Variants in FBXO11 observed in about 807,000 individuals in gnomAD.
FBXO11 encodes the protein F-box protein 11, also known as F-box only protein 11.
In FBXO11, 13 loss-of-function variants were observed where a neutral mutation model predicts 117.0. The observed-to-expected ratio is 0.11, with a 90% CI of 0.07 to 0.18. The LOEUF (loss-of-function observed/expected upper bound fraction) is 0.18. FBXO11 is among the 10% of genes least tolerant of loss of function. The probability of loss-of-function intolerance (pLI) is 1.00; values close to 1 mark genes in which losing one functional copy is unlikely to be tolerated. For missense variants in FBXO11, 767 were observed against 1,164.4 expected, an observed-to-expected ratio of 0.66 and a Z score of 4.97; for synonymous variants, 490 against 380.5, an observed-to-expected ratio of 1.29 and a Z score of -3.35.
intron 16 of FBXO11, among the ~76,000 whole-genome samples, chr2:47,816,822 A>T (rs1418211714): frequency 6.6e-6 from 1 of 152,134 alleles, no homozygotes; most frequent in Non-Finnish European, 1.5e-5. Flanking sequence ...CTGTACTGTA[A>T]ATTCATGTGC....
At position 47,808,263 on chromosome 2, in the gene FBXO11, A is replaced by G. The variant is rs750650977; in HGVS notation, c.2655-16T>C. 2.9e-5 allele frequency: 47 copies of G among 1,612,558 alleles called. 1 individual carries two copies. The South Asian group carries it at 5.1e-4, about 17-fold the overall frequency. On this transcript the variant is annotated splice_polypyrimidine_tract_variant and intron_variant, in intron 22 of 22. Coordinates refer to ENST00000403359, the MANE Select transcript of FBXO11 (RefSeq NM_001190274.2). Reference sequence around the variant, plus strand: ...ACAGAAAAACCTAAAGCAAAATGAAACCCAAATATTAGAAAAGTGAGGGGG... The same window carrying G: ...ACAGAAAAACCTAAAGCAAAATGAAGCCCAAATATTAGAAAAGTGAGGGGG...
rs1225261657 is a variant in FBXO11 at position 47,838,725 on chromosome 2, G to C, written c.587+134C>G. ...ACTGACAGCCCCCATTTGTAACTTGGAATTGATAAGCATTTTAATTTTGTT... is the reference window on the plus strand; with the variant it reads ...ACTGACAGCCCCCATTTGTAACTTGCAATTGATAAGCATTTTAATTTTGTT... On this transcript the variant is annotated intron_variant, in intron 4 of 22. Transcript: ENST00000403359. The C allele has an allele frequency of 4.2e-6, 3 of 710,296 alleles. No homozygotes were observed. The African/African-American group carries it at 5.4e-5, about 13-fold the overall frequency. 44.0% of individuals were successfully genotyped at this position (710,296 alleles called of 1,614,324 possible). A position where few individuals can be genotyped will look rare whatever the true frequency, so the allele number is the denominator to read the frequency against.
At position 47,905,749 on chromosome 2, in the gene FBXO11, G is replaced by A; in HGVS notation, c.-29C>T. The A allele has an allele frequency of 2.0e-6, 3 of 1,505,088 alleles. No individual in the cohort carries two copies. Among genetic ancestry groups the A allele is most frequent in the South Asian group, 1.2e-5 (1 of 83,276 alleles). The allele number at this position is 1,505,088 out of a possible 1,614,324, so 93.2% of individuals were successfully genotyped here. ...CCGGGCTGAGGTGGCGGCGTTGGCG[G>A]AGGGACACACACACGCACACGCACA... On this transcript the variant is annotated 5_prime_UTR_variant, in exon 1 of 23. Transcript: ENST00000403359.
chr2:47,892,636 T>C (rs1677341529), intron 1 of FBXO11, among the ~76,000 whole-genome samples: 1 of 152,234 alleles, frequency 6.6e-6, no homozygotes, highest in Non-Finnish European at 1.5e-5. Flanking sequence ...GGATTAAACA[T>C]GCTTATGAGG....
chr2:47,813,486 C>T (rs1246815340), intron 17 of FBXO11, 109 bp from the exon 18 acceptor site: 6 of 717,196 alleles, frequency 8.4e-6, no homozygotes, highest in Non-Finnish European at 1.2e-5. Flanking sequence ...CTGGAGTGTG[C>T]AGTGGCGCGA....
intron 1 of FBXO11, 106 bp from the exon 2 acceptor site, chr2:47,839,875 A>C (rs1672878553): frequency 1.1e-6 from 1 of 950,000 alleles, no homozygotes; most frequent in African/African-American, 1.7e-5. Flanking sequence ...AGCAGATGTA[A>C]GTTTTATATG....
chr2:47,811,836 G>A (rs951280426), intron 18 of FBXO11, among the ~76,000 whole-genome samples: 9 of 152,000 alleles, frequency 5.9e-5, no homozygotes, highest in African/African-American at 2.2e-4. Flanking sequence ...TCCAACTCCA[G>A]ACTCAAGTGA....
At chr2:47,838,007 C>A (rs1672721068) in intron 4 of FBXO11, among the ~76,000 whole-genome samples, 1 of 149,258 alleles carries the variant, frequency 6.7e-6, no homozygotes, top group Non-Finnish European at 1.5e-5. Flanking sequence ...AGAAGGATCA[C>A]TTGACCCCAG....
intron 1 of FBXO11, among the ~76,000 whole-genome samples, chr2:47,866,440 G>A (rs115244152): frequency 0.013 from 2,012 of 151,394 alleles, 53 homozygotes; most frequent in African/African-American, 0.047. Flanking sequence ...CCAAAATGAT[G>A]TGTTCTGTTA....
intron 1 of FBXO11, among the ~76,000 whole-genome samples, chr2:47,883,100 T>C (rs1676556776): frequency 6.6e-6 from 1 of 152,216 alleles, no homozygotes; most frequent in African/African-American, 2.4e-5. Flanking sequence ...GTCTAAAAAA[T>C]AGATGGTGAA....
chr2:47,827,951 C>A (rs1043320554), intron 11 of FBXO11, among the ~76,000 whole-genome samples: 1 of 151,940 alleles, frequency 6.6e-6, no homozygotes, highest in Non-Finnish European at 1.5e-5. Context: ...CCTGCCTCAG[C>A]CTCCCAAAGT....
chr2:47,843,443 T>C (rs2104894420), intron 1 of FBXO11, among the ~76,000 whole-genome samples: 1 of 152,262 alleles, frequency 6.6e-6, no homozygotes, highest in South Asian at 2.1e-4. Flanking sequence ...TTTTTTTTTT[T>C]TTGCCTGCAA....
intron 11 of FBXO11, among the ~76,000 whole-genome samples, chr2:47,824,608 T>C (rs1278047763): frequency 6.6e-6 from 1 of 152,218 alleles, no homozygotes; most frequent in East Asian, 1.9e-4. Context: ...AGACTTAGGT[T>C]CATCCTACAC....
intron 1 of FBXO11, among the ~76,000 whole-genome samples, chr2:47,866,173 G>A (rs1278143598): frequency 1.3e-5 from 2 of 148,956 alleles, no homozygotes; most frequent in East Asian, 4.1e-4. Context: ...CTGAGCCCAG[G>A]AGTTTGAGGC....
At position 47,832,657 on chromosome 2, in the gene FBXO11, C is replaced by T. The variant is rs748196106; in HGVS notation, c.1175G>A (p.Ser392Asn). The stretch of plus-strand genomic sequence containing the variant: ...GATGGTGGGACATGCTCCTTGACCA[C>T]TAACACATACTGCAGAACCAACTGT... ...TCTVGSAVCV[S>N]GQGACPTIKH... Residue 392 changes from serine (S) to asparagine (N), a missense_variant, in exon 10 of 23, where the codon AGT becomes AAT. Physicochemically the swap from Ser to Asn is conservative, Grantham distance 46. Coordinates refer to ENST00000403359, the MANE Select transcript of FBXO11 (RefSeq NM_001190274.2). 1 of 1,613,846 alleles carries T rather than the reference C, an allele frequency of 6.2e-7. No homozygotes were observed. The highest frequency in any genetic ancestry group is 8.5e-7 in the Non-Finnish European group (1 of 1,179,898).
At chr2:47,834,355 A>C (rs940677756) in intron 7 of FBXO11, among the ~76,000 whole-genome samples, 5 of 152,024 alleles carry the variant, frequency 3.3e-5, no homozygotes, top group African/African-American at 1.2e-4. Flanking sequence ...GCATCAAAAA[A>C]ACAAAAAAGG....
chr2:47,837,998 G>A (rs1305289081), intron 4 of FBXO11, among the ~76,000 whole-genome samples: 1 of 148,364 alleles, frequency 6.7e-6, no homozygotes, highest in Non-Finnish European at 1.5e-5. Context: ...GGCCGAGGTA[G>A]AAGGATCACT....
chr2:47,854,863 GTT>G (rs62781561), intron 1 of FBXO11, among the ~76,000 whole-genome samples: 5 of 143,230 alleles, frequency 3.5e-5, no homozygotes, highest in Middle Eastern at 3.6e-3. Flanking sequence ...TTTTTTTTTT[GTT>G]TTTTTTTTTA....
chr2:47,839,041 A>G (rs200949788), intron 3 of FBXO11, 38 bp from the exon 4 acceptor site: 10 of 1,563,944 alleles, frequency 6.4e-6, no homozygotes, highest in African/African-American at 2.7e-5. Context: ...CATTCGAGCA[A>G]TAACTTTCTC....
Sources: gnomAD v4.1 joint callset for allele counts (sites outside exome capture counted in the v4.1 genomes callset) on GRCh38, gnomAD v4.1.1 for gene constraint, MANE v1.5 for transcripts, NCBI Gene and HGNC (gene_info 2026-07-23, HGNC 2026-07-21) for gene names.